GCA: variants seen among roughly 807,000 people sequenced by gnomAD.
GCA encodes the protein grancalcin, also known as grancalcin, EF-hand calcium-binding protein.
Under a neutral mutation model 32.6 loss-of-function variants are expected in GCA, and 30 were observed. The observed-to-expected ratio is 0.92, with a 90% confidence interval of 0.69 to 1.25. The LOEUF (loss-of-function observed/expected upper bound fraction) is 1.25. Among genes scored for constraint, GCA ranks in the 50% most tolerant of loss-of-function variants. The pLI is 0.00. For synonymous variants in GCA, 102 were observed against 84.6 expected (o/e 1.21, Z -1.13); for missense variants, 291 against 266.8 (o/e 1.09, Z -0.63).
At chr2:162,345,649 C>T (rs761360341) in intron 1 of GCA, among the ~76,000 whole-genome samples, 1 of 152,138 alleles carries the variant, frequency 6.6e-6, no homozygotes, top group Non-Finnish European at 1.5e-5. Flanking sequence ...TTAAAATAAA[C>T]AACTCTTTTC....
Position 162,361,011 on chromosome 2 carries a change from A to G in GCA, c.*768A>G, listed in dbSNP as rs1224991947. 1.2e-5 allele frequency: 13 copies of G among 1,042,152 alleles called. No homozygotes were observed. Among genetic ancestry groups the G allele is most frequent in the African/African-American group, 1.7e-5 (1 of 60,292 alleles). 64.6% of individuals were successfully genotyped at this position (1,042,152 alleles called of 1,614,324 possible). A position where few individuals can be genotyped will look rare whatever the true frequency, so the allele number is the denominator to read the frequency against. ...TGAATCTAGACTTTTTAGAAATGGC[A>G]TATGTTTTTGATGATATGTCAACAT... On this transcript the variant is annotated 3_prime_UTR_variant, in exon 8 of 8. Coordinates refer to ENST00000437150, the MANE Select transcript of GCA (RefSeq NM_012198.5).
chr2:162,358,934 T>C (rs1390891159), intron 5 of GCA, 110 bp from the exon 6 acceptor site: 2 of 557,146 alleles, frequency 3.6e-6, no homozygotes, highest in Non-Finnish European at 6.3e-6. Context: ...TTTCTAATTA[T>C]ATTTTTGTGG....
intron 1 of GCA, among the ~76,000 whole-genome samples, chr2:162,334,256 A>G (rs144983842): frequency 1.3e-5 from 2 of 152,014 alleles, no homozygotes; most frequent in Non-Finnish European, 2.9e-5. Flanking sequence ...AACTATGTAC[A>G]ATTATAGATT....
intron 1 of GCA, among the ~76,000 whole-genome samples, chr2:162,322,715 T>C (rs1158989312): frequency 6.6e-6 from 1 of 151,382 alleles, no homozygotes; most frequent in Non-Finnish European, 1.5e-5. Flanking sequence ...ATTTCATCCA[T>C]GTCCCTACAA....
chr2:162,335,461 C>T, intron 1 of GCA, among the ~76,000 whole-genome samples: 1 of 151,048 alleles, frequency 6.6e-6, no homozygotes, highest in Non-Finnish European at 1.5e-5. Flanking sequence ...GTGGAGATTC[C>T]CTGTAGCTAT....
intron 6 of GCA, 70 bp from the exon 7 acceptor site, chr2:162,359,424 C>A (rs184628286): frequency 4.4e-6 from 3 of 686,130 alleles, no homozygotes; most frequent in East Asian, 2.9e-5. Context: ...TTTTTGTGTA[C>A]CTGGGTGCAC....
At chr2:162,341,147 A>T (rs944575932), upstream of GCA, among the ~76,000 whole-genome samples, 3 of 151,736 alleles carry the variant, frequency 2.0e-5, no homozygotes, top group Non-Finnish European at 2.9e-5. Context: ...GTGTTACATT[A>T]TACATGCTCA....
At chr2:162,354,426 C>T (rs1454420664) in intron 3 of GCA, among the ~76,000 whole-genome samples, 1 of 152,128 alleles carries the variant, frequency 6.6e-6, no homozygotes, top group African/African-American at 2.4e-5. Context: ...TAGAAGATAG[C>T]CCTGTCTCAG....
At chr2:162,375,344 A>G (rs888576154), downstream of GCA, among the ~76,000 whole-genome samples, 5 of 152,170 alleles carry the variant, frequency 3.3e-5, no homozygotes, top group Admixed American at 2.0e-4. Flanking sequence ...TGTCATATAA[A>G]TCCTTTGCCA....
chr2:162,373,493 G>T (rs372533434), downstream of GCA: 2 of 1,553,148 alleles, frequency 1.3e-6, no homozygotes, highest in East Asian at 4.8e-5. Context: ...CTGAAACTTC[G>T]GTCAGTTTTG....
chr2:162,363,741 T>A (rs768987785), downstream of GCA, among the ~76,000 whole-genome samples: 4 of 151,476 alleles, frequency 2.6e-5, no homozygotes, highest in Non-Finnish European at 4.4e-5. Flanking sequence ...CTCTTTCTAC[T>A]TGTTTTTAAA....
chr2:162,331,923 T>C (rs4664464), intron 1 of GCA, among the ~76,000 whole-genome samples: 19,175 of 152,194 alleles, frequency 0.13, 2,814 homozygotes, highest in African/African-American at 0.33. Context: ...TGAAAGGACA[T>C]GTAGTCTGGA....
Position 162,361,305 on chromosome 2 carries a change from G to C in GCA, c.*1062G>C. 1 of 984,578 alleles carries C rather than the reference G, an allele frequency of 1.0e-6. No homozygotes were observed. The highest frequency in any genetic ancestry group is 1.2e-6 in the Non-Finnish European group (1 of 829,364). The allele number at this position is 984,578 out of a possible 1,614,324, so 61.0% of individuals were successfully genotyped here. On this transcript the variant is annotated 3_prime_UTR_variant, in exon 8 of 8. Transcript: ENST00000437150. ...CCGAAAATGCGACGTAGAATCACCA[G>C]ATCTTTAGTGTTTAATATCCCTGGT...
intron 1 of GCA, among the ~76,000 whole-genome samples, chr2:162,331,713 C>A (rs1684090410): frequency 6.6e-6 from 1 of 151,826 alleles, no homozygotes; most frequent in African/African-American, 2.4e-5. Context: ...AAATAAATTT[C>A]TGTTCTTTAT....
downstream of GCA, among the ~76,000 whole-genome samples, chr2:162,367,558 C>T (rs1181006779): frequency 1.3e-5 from 2 of 151,950 alleles, no homozygotes; most frequent in Non-Finnish European, 2.9e-5. Context: ...GAGATTGACA[C>T]TCTCACTATT....
chr2:162,373,241 A>G (rs114915685), downstream of GCA, among the ~76,000 whole-genome samples: 354 of 152,282 alleles, frequency 2.3e-3, no homozygotes, highest in African/African-American at 8.4e-3. Flanking sequence ...TAATGTTTAA[A>G]ATTATTATTC....
At chr2:162,335,264 A>C (rs970588975) in intron 1 of GCA, among the ~76,000 whole-genome samples, 4 of 152,032 alleles carry the variant, frequency 2.6e-5, no homozygotes, top group African/African-American at 9.7e-5. Flanking sequence ...ATACAAAAAA[A>C]TTTAGCCAGA....
At chr2:162,343,832 G>A (rs1220258410), upstream of GCA, among the ~76,000 whole-genome samples, 2 of 152,230 alleles carry the variant, frequency 1.3e-5, no homozygotes, top group Non-Finnish European at 2.9e-5. Context: ...TTGAGGAGTT[G>A]AAGGCTTGTA....
chr2:162,374,030 TA>T (rs990988239), downstream of GCA, among the ~76,000 whole-genome samples: 1 of 152,226 alleles, frequency 6.6e-6, no homozygotes, highest in Non-Finnish European at 1.5e-5. Flanking sequence ...GTGAACATTT[TA>T]TTTGCTCTTA....
Sources: gnomAD v4.1 joint callset for allele counts (sites outside exome capture counted in the v4.1 genomes callset) on GRCh38, gnomAD v4.1.1 for gene constraint, MANE v1.5 for transcripts, NCBI Gene and HGNC (gene_info 2026-07-23, HGNC 2026-07-21) for gene names.